The following DLG2 variants were observed in gnomAD, a reference collection of about 807,000 sequenced individuals.
DLG2 encodes the protein disks large homolog 2.
DLG2 carries 45 observed loss-of-function variants against 132.5 expected under a neutral mutation model. That is an observed-to-expected ratio of 0.34 (90% confidence interval 0.27 to 0.44). DLG2 has a LOEUF of 0.44. Among genes scored for constraint, DLG2 ranks in the 20% least tolerant of loss-of-function variants. DLG2 has a pLI of 1.00. For synonymous variants in DLG2, 424 were observed against 419.6 expected, an observed-to-expected ratio of 1.01 and a Z score of -0.13; for missense variants, 1,045 against 1,196.9, an observed-to-expected ratio of 0.87 and a Z score of 1.87.
At chr11:83,790,503 A>G in intron 17 of DLG2, 11 of 1,258,734 alleles carry the variant, frequency 8.7e-6, no homozygotes, top group Non-Finnish European at 1.3e-5. Flanking sequence ...TTGCACTGAG[A>G]CATAAACTCT....
chr11:84,977,597 T>G (rs1281056208), intron 6 of DLG2, among the ~76,000 whole-genome samples: 1 of 152,164 alleles, frequency 6.6e-6, no homozygotes, highest in Non-Finnish European at 1.5e-5. Context: ...GATGAAAAAC[T>G]AAAATAAATA....
chr11:85,363,548 G>A (rs908535380), intron 3 of DLG2, among the ~76,000 whole-genome samples: 1 of 152,180 alleles, frequency 6.6e-6, no homozygotes, highest in Admixed American at 6.5e-5. Flanking sequence ...CATTCATCTA[G>A]CTAAAGTTCT....
At chr11:83,873,675 T>C (rs763573456) in intron 16 of DLG2, among the ~76,000 whole-genome samples, 5 of 152,316 alleles carry the variant, frequency 3.3e-5, no homozygotes, top group South Asian at 2.1e-4. Context: ...GGTAGATAAA[T>C]AGATAGAGCC....
rs79023647 is a variant in DLG2, at chr11:84,520,756, T to C, written c.519+13814A>G. 5.0e-4 allele frequency among the ~76,000 whole-genome samples: 76 copies of C among 152,146 alleles called. 2 individuals carry two copies. In the East Asian group the frequency reaches 0.013, roughly 27 times the overall value. ...GGAGGTAGCCACACAGGAATTTGAG[T>C]GTGGAAGAAGGGGTTCTTTAAGCGT... On this transcript the variant is annotated intron_variant, in intron 7 of 27. Coordinates refer to ENST00000376104, the MANE Select transcript of DLG2 (RefSeq NM_001142699.3).
intron 7 of DLG2, among the ~76,000 whole-genome samples, chr11:84,366,401 T>C (rs2098682691): frequency 6.6e-6 from 1 of 150,598 alleles, no homozygotes; most frequent in Admixed American, 6.6e-5. Context: ...AGAAACTGCA[T>C]CAACTAACGA....
intron 6 of DLG2, among the ~76,000 whole-genome samples, chr11:84,966,292 T>A (rs1171655095): frequency 6.6e-6 from 1 of 151,946 alleles, no homozygotes; most frequent in African/African-American, 2.4e-5. Flanking sequence ...ACAGTTCACA[T>A]AAAAATGAAG....
At chr11:85,482,308 T>C (rs995529574) in intron 3 of DLG2, among the ~76,000 whole-genome samples, 6 of 152,082 alleles carry the variant, frequency 3.9e-5, no homozygotes, top group Admixed American at 1.3e-4. Context: ...CCCACCCCAA[T>C]GCCAGCTTGG....
intron 16 of DLG2, among the ~76,000 whole-genome samples, chr11:83,864,477 C>T (rs1009210096): frequency 1.3e-5 from 2 of 152,146 alleles, no homozygotes; most frequent in Admixed American, 6.6e-5. Context: ...ATAAATGGTG[C>T]TTGTCCCCTG....
intron 6 of DLG2, among the ~76,000 whole-genome samples, chr11:84,651,519 G>A (rs1165569335): frequency 1.3e-5 from 2 of 152,130 alleles, no homozygotes; most frequent in African/African-American, 4.8e-5. Flanking sequence ...AGCTTTCAAA[G>A]CCATAAAGAG....
intron 6 of DLG2, among the ~76,000 whole-genome samples, chr11:84,971,187 A>C (rs1222614043): frequency 6.6e-6 from 1 of 152,204 alleles, no homozygotes; most frequent in African/African-American, 2.4e-5. Flanking sequence ...TTTTACATAC[A>C]ATAAACATAG....
rs1388390512 is a variant in DLG2, at chr11:83,472,747, T to C, written c.2324A>G (p.Glu775Gly). 1 of 1,612,062 alleles carries C rather than the reference T, an allele frequency of 6.2e-7. No individual in the cohort carries two copies. The highest frequency in any genetic ancestry group is 1.1e-5 in the South Asian group (1 of 90,898). ...RGQEDLILSY[E>G]PVTRQEINYT... Reference sequence around the variant, plus strand: ...CTTACTTTCCTGCCTTGTAACAGGCTCATAGGAAAGAATGAGGTCTTCTTG... The same window carrying C: ...CTTACTTTCCTGCCTTGTAACAGGCCCATAGGAAAGAATGAGGTCTTCTTG... The change falls in exon 23 of 28, where the codon GAG becomes GGG. Residue 775 changes from glutamate to glycine, a missense_variant. By Grantham distance (98) the Glu-to-Gly change is moderately conservative. Coordinates refer to ENST00000376104, the MANE Select transcript of DLG2 (RefSeq NM_001142699.3).
At chr11:84,542,626 G>T (rs1264919297) in intron 6 of DLG2, among the ~76,000 whole-genome samples, 2 of 152,018 alleles carry the variant, frequency 1.3e-5, no homozygotes, top group African/African-American at 4.8e-5. Context: ...GGGCTGAAAG[G>T]AAGCACATAT....
intron 7 of DLG2, among the ~76,000 whole-genome samples, chr11:84,251,893 C>A (rs2097382852): frequency 6.6e-6 from 1 of 151,848 alleles, no homozygotes; most frequent in African/African-American, 2.4e-5. Context: ...CCACCTCGGA[C>A]TCCCAAAGTG....
At chr11:83,724,642 G>T (rs1039825834) in intron 18 of DLG2, among the ~76,000 whole-genome samples, 4 of 152,094 alleles carry the variant, frequency 2.6e-5, no homozygotes, top group African/African-American at 9.7e-5. Flanking sequence ...TTCACTGATT[G>T]TTGTTCTCAC....
At chr11:84,261,665 T>G (rs1394849350) in intron 7 of DLG2, among the ~76,000 whole-genome samples, 1 of 152,194 alleles carries the variant, frequency 6.6e-6, no homozygotes, top group African/African-American at 2.4e-5. Context: ...GCAGAAATTG[T>G]AATCATTTTG....
At chr11:84,902,149 C>T (rs758939110) in intron 6 of DLG2, among the ~76,000 whole-genome samples, 5 of 152,132 alleles carry the variant, frequency 3.3e-5, no homozygotes, top group East Asian at 1.9e-4. Flanking sequence ...GAAATCTGGA[C>T]GCAGGCCTTG....
intron 21 of DLG2, chr11:83,486,355 A>C: frequency 1.8e-6 from 1 of 567,076 alleles, no homozygotes. Context: ...GTCATGCAAA[A>C]AAAAAAAATT....
At chr11:85,119,285 T>G (rs562092013) in intron 5 of DLG2, among the ~76,000 whole-genome samples, 1 of 152,124 alleles carries the variant, frequency 6.6e-6, no homozygotes, top group South Asian at 2.1e-4. Context: ...AATCATTGGT[T>G]ATAAATATTT....
chr11:85,006,370 G>T (rs573752124), intron 6 of DLG2, among the ~76,000 whole-genome samples: 1 of 152,144 alleles, frequency 6.6e-6, no homozygotes, highest in South Asian at 2.1e-4. Context: ...GCTTTTTTTG[G>T]TTGGCAGGCT....
Sources: gnomAD v4.1 joint callset for allele counts (sites outside exome capture counted in the v4.1 genomes callset) on GRCh38, gnomAD v4.1.1 for gene constraint, MANE v1.5 for transcripts, NCBI Gene and HGNC (gene_info 2026-07-23, HGNC 2026-07-21) for gene names.